TMEM108: variants seen among roughly 807,000 people sequenced by gnomAD.
TMEM108 encodes the protein cancer/testis antigen 124.
TMEM108 carries 12 observed loss-of-function variants against 35.1 expected under a neutral mutation model. The observed-to-expected ratio is 0.34, with a 90% CI of 0.22 to 0.55. The LOEUF is 0.55. Ranked by LOEUF, TMEM108 falls within the 20% of genes least tolerant of loss-of-function variation. The pLI, the probability that TMEM108 is intolerant of heterozygous loss-of-function variation, is 0.89. For missense variants in TMEM108, 680 were observed against 753.3 expected, an observed-to-expected ratio of 0.90 and a Z score of 1.14; for synonymous variants, 287 against 308.6, an observed-to-expected ratio of 0.93 and a Z score of 0.73.
chr3:133,373,484 G>T (rs1262482373), intron 3 of TMEM108, among the ~76,000 whole-genome samples: 1 of 152,014 alleles, frequency 6.6e-6, no homozygotes, highest in Admixed American at 6.6e-5. Context: ...GGCAGGCAAT[G>T]AGTTGGCCTG....
At chr3:133,274,586 G>A (rs1380417692) in intron 3 of TMEM108, among the ~76,000 whole-genome samples, 1 of 152,148 alleles carries the variant, frequency 6.6e-6, no homozygotes, top group Non-Finnish European at 1.5e-5. Flanking sequence ...TTTTTCCCTT[G>A]TAGATTTGTT....
At chr3:133,243,606 C>T (rs1224486206) in intron 3 of TMEM108, among the ~76,000 whole-genome samples, 1 of 151,976 alleles carries the variant, frequency 6.6e-6, no homozygotes, top group East Asian at 1.9e-4. Context: ...CTGCAAGCTC[C>T]GCCTCCTGGG....
chr3:133,205,187 A>C (rs1292050225), intron 2 of TMEM108, among the ~76,000 whole-genome samples: 10 of 147,492 alleles, frequency 6.8e-5, no homozygotes, highest in Middle Eastern at 3.6e-3. Flanking sequence ...CTTTATTTTG[A>C]GCCTATGTGC....
At chr3:133,141,004 A>C (rs866314594) in intron 2 of TMEM108, among the ~76,000 whole-genome samples, 1 of 152,194 alleles carries the variant, frequency 6.6e-6, no homozygotes, top group Non-Finnish European at 1.5e-5. Context: ...GGTACTGACT[A>C]TAGAGGTTCA....
intron 4 of TMEM108, chr3:133,389,481 C>G (rs755821953): frequency 6.0e-5 from 46 of 772,358 alleles, no homozygotes; most frequent in Non-Finnish European, 6.8e-5. Flanking sequence ...GTCAGGAGTT[C>G]GAGACCAGCC....
chr3:133,118,160 C>CT (rs1188966230), intron 2 of TMEM108, among the ~76,000 whole-genome samples: 1 of 152,112 alleles, frequency 6.6e-6, no homozygotes, highest in Non-Finnish European at 1.5e-5. Flanking sequence ...GCTAGGTTCT[C>CT]TGACTTCTGG....
chr3:133,281,113 T>C (rs1430151553), intron 3 of TMEM108, among the ~76,000 whole-genome samples: 1 of 152,216 alleles, frequency 6.6e-6, no homozygotes, highest in Non-Finnish European at 1.5e-5. Flanking sequence ...AGGGAAGAAC[T>C]GCAGTCCTTT....
chr3:133,236,829 G>A (rs1285484219), intron 3 of TMEM108, among the ~76,000 whole-genome samples: 1 of 151,836 alleles, frequency 6.6e-6, no homozygotes, highest in Non-Finnish European at 1.5e-5. Flanking sequence ...TCCCATATTA[G>A]ACCCAAAGCC....
At chr3:133,158,484 A>AG (rs1944913943) in intron 2 of TMEM108, among the ~76,000 whole-genome samples, 1 of 151,674 alleles carries the variant, frequency 6.6e-6, no homozygotes, top group Non-Finnish European at 1.5e-5. Flanking sequence ...AAAAAAAAAA[A>AG]AAAAAGAAAA....
At chr3:133,137,844 C>T (rs921939083) in intron 2 of TMEM108, among the ~76,000 whole-genome samples, 1 of 152,156 alleles carries the variant, frequency 6.6e-6, no homozygotes, top group East Asian at 1.9e-4. Context: ...TCCTTGGTGC[C>T]CATCCAAAGT....
chr3:133,039,241 C>G (rs1424709129), intron 1 of TMEM108, among the ~76,000 whole-genome samples: 2 of 152,224 alleles, frequency 1.3e-5, no homozygotes, highest in Non-Finnish European at 2.9e-5. Context: ...CACTGAGATT[C>G]TTCCTTAAGA....
At chr3:133,282,260 C>T (rs1030471634) in intron 3 of TMEM108, among the ~76,000 whole-genome samples, 1 of 152,296 alleles carries the variant, frequency 6.6e-6, no homozygotes, top group South Asian at 2.1e-4. Flanking sequence ...GGCCTTTCTG[C>T]CAAACGTACT....
intron 3 of TMEM108, among the ~76,000 whole-genome samples, chr3:133,331,583 G>A (rs1293237667): frequency 6.6e-6 from 1 of 152,186 alleles, no homozygotes; most frequent in African/African-American, 2.4e-5. Context: ...ACCCTCTGAA[G>A]AGCACAAGGC....
At chr3:133,260,371 A>G (rs1418524589) in intron 3 of TMEM108, among the ~76,000 whole-genome samples, 1 of 152,204 alleles carries the variant, frequency 6.6e-6, no homozygotes, top group Non-Finnish European at 1.5e-5. Context: ...GCATGTGATT[A>G]GTAGCTAGTT....
At position 133,381,063 on chromosome 3, in the gene TMEM108, C is replaced by T. The variant is rs1290638656; in HGVS notation, c.1352C>T (p.Ala451Val). The change falls in exon 4 of 6, where the codon GCC (alanine) becomes GTC (valine). Residue 451 changes from alanine to valine, a missense_variant. Ala to Val is a moderately conservative substitution (Grantham distance 64, BLOSUM62 0). Coordinates refer to ENST00000321871, the MANE Select transcript of TMEM108 (RefSeq NM_023943.4). ...ACAGCAGGGAACATCTCCCATGTGG[C>T]CGAGGGGGACAAACCGCAGCACAGA... ...PGTAGNISHV[A>V]EGDKPQHRAT... The T allele has an allele frequency of 1.9e-6, 3 of 1,614,186 alleles. No individual in the cohort carries two copies. The South Asian group carries it at 3.3e-5, about 18-fold the overall frequency.
At chr3:133,280,688 C>T (rs1488813235) in intron 3 of TMEM108, among the ~76,000 whole-genome samples, 1 of 152,156 alleles carries the variant, frequency 6.6e-6, no homozygotes, top group Non-Finnish European at 1.5e-5. Flanking sequence ...ATTTATTTGG[C>T]TTACAGTTCT....
At chr3:133,064,838 T>C (rs1424414343) in intron 2 of TMEM108, among the ~76,000 whole-genome samples, 1 of 152,048 alleles carries the variant, frequency 6.6e-6, no homozygotes, top group African/African-American at 2.4e-5. Context: ...AATAAATCTA[T>C]CCTAGAGATC....
chr3:133,205,347 T>C (rs755661887), intron 2 of TMEM108, among the ~76,000 whole-genome samples: 1 of 152,192 alleles, frequency 6.6e-6, no homozygotes, highest in African/African-American at 2.4e-5. Context: ...CCTGCCATTA[T>C]GGTGCTAGCT....
At position 133,043,297 on chromosome 3, in the gene TMEM108, G is replaced by T. The variant is rs138279583; in HGVS notation, c.-165-2605G>T. 4.2e-3 allele frequency among the ~76,000 whole-genome samples: 646 copies of T among 152,248 alleles called. 12 individuals carry two copies. The South Asian group carries it at 0.045, about 11-fold the overall frequency. On this transcript the variant is annotated intron_variant, in intron 1 of 5. Coordinates refer to ENST00000321871, the MANE Select transcript of TMEM108 (RefSeq NM_023943.4). ...TAGGCTTCAAGAGACTACAAAAGAG[G>T]TCTGTGGCACACACACACAAAATAG...
Sources: gnomAD v4.1 joint callset for allele counts (sites outside exome capture counted in the v4.1 genomes callset) on GRCh38, gnomAD v4.1.1 for gene constraint, MANE v1.5 for transcripts, NCBI Gene and HGNC (gene_info 2026-07-23, HGNC 2026-07-21) for gene names.